TYW1: variants seen among roughly 807,000 people sequenced by gnomAD.
TYW1 encodes the protein S-adenosyl-L-methionine-dependent tRNA 4-demethylwyosine synthase TYW1.
In TYW1, 46 loss-of-function variants were observed where a neutral mutation model predicts 96.2. That is an observed-to-expected ratio of 0.48 (90% confidence interval 0.38 to 0.61). The LOEUF (loss-of-function observed/expected upper bound fraction) is 0.61, where lower values mean the gene tolerates loss of function less well. Among genes scored for constraint, TYW1 ranks in the 20% least tolerant of loss-of-function variants. The pLI is 0.00. For synonymous variants in TYW1, 274 were observed against 323.0 expected (o/e 0.85, Z 1.63); for missense variants, 684 against 909.6 (o/e 0.75, Z 3.19).
chr7:66,996,929 A>C lies in TYW1; in HGVS notation c.-50A>C, dbSNP rs767369649. On this transcript the variant is annotated 5_prime_UTR_variant, in exon 1 of 16. Transcript: ENST00000359626. ...GCGTCTCGCGGTACCAGTGCGAATCATCGGGCTATCCAGGTCCGAGATCCT... is the reference window on the plus strand; with the variant it reads ...GCGTCTCGCGGTACCAGTGCGAATCCTCGGGCTATCCAGGTCCGAGATCCT... 6.2e-7 allele frequency: 1 copy of C among 1,613,700 alleles called. No homozygotes were observed. Among genetic ancestry groups the C allele is most frequent in the Non-Finnish European group, 8.5e-7 (1 of 1,179,848 alleles).
chr7:67,171,673 G>T (rs187643762), intron 13 of TYW1, among the ~76,000 whole-genome samples: 93 of 152,162 alleles, frequency 6.1e-4, no homozygotes, highest in African/African-American at 2.1e-3. Flanking sequence ...CTAGTATATT[G>T]TTATACTAGT....
chr7:67,158,339 C>T (rs1003515216), intron 13 of TYW1, among the ~76,000 whole-genome samples: 16 of 152,040 alleles, frequency 1.1e-4, no homozygotes, highest in African/African-American at 2.2e-4. Flanking sequence ...TGCCCGCCTT[C>T]GGCCTCCCAA....
At position 67,057,248 on chromosome 7, in the gene TYW1, C is replaced by T. The variant is rs562988593; in HGVS notation, c.1155+1361C>T. 2.6e-5 allele frequency among the ~76,000 whole-genome samples: 4 copies of T among 152,070 alleles called. No homozygotes were observed. The South Asian group carries it at 6.2e-4, about 24-fold the overall frequency. On this transcript the variant is annotated intron_variant, in intron 9 of 15. Transcript: ENST00000359626. ...CAGGATGGTCTTGATCTCTTGACCT[C>T]GTGATCTGCCCACCTCGGCCTCCCA...
chr7:67,178,652 C>G (rs1443835115), intron 13 of TYW1, among the ~76,000 whole-genome samples: 1 of 152,036 alleles, frequency 6.6e-6, no homozygotes, highest in African/African-American at 2.4e-5. Flanking sequence ...ATTTTATAAA[C>G]ACAGTGTTGA....
intron 7 of TYW1, among the ~76,000 whole-genome samples, chr7:67,029,760 G>T (rs1794612884): frequency 6.6e-6 from 1 of 152,100 alleles, no homozygotes; most frequent in African/African-American, 2.4e-5. Context: ...AAGTGCAGTG[G>T]TGTGATCACG....
At chr7:67,048,210 A>G (rs1458112029) in intron 7 of TYW1, among the ~76,000 whole-genome samples, 5 of 149,286 alleles carry the variant, frequency 3.3e-5, no homozygotes. Flanking sequence ...TACCCTTTGT[A>G]TACCCCTTTC....
intron 15 of TYW1, among the ~76,000 whole-genome samples, chr7:67,225,944 A>C (rs958656845): frequency 1.3e-5 from 2 of 151,084 alleles, no homozygotes; most frequent in African/African-American, 4.9e-5. Flanking sequence ...ATTGCAGGCA[A>C]TCACAAGTCT....
rs71049495 is a variant in TYW1 at position 67,080,940 on chromosome 7, G to GTTTTTTTT, written c.1275-2470_1275-2463dup. On this transcript the variant is annotated intron_variant, in intron 10 of 15. Coordinates refer to ENST00000359626, the MANE Select transcript of TYW1 (RefSeq NM_018264.4). ...TGTATATTGTTTTTGCTTTCTTACT[G>GTTTTTTTT]TTTTTTTTTTTTTTTTTTTTTTTTT... 2.4e-3 allele frequency among the ~76,000 whole-genome samples: 90 copies of GTTTTTTTT among 37,246 alleles called. 4 individuals are homozygous for GTTTTTTTT. Among genetic ancestry groups the GTTTTTTTT allele is most frequent in the Non-Finnish European group, 3.2e-3 (67 of 20,738 alleles). 24.4% of individuals were successfully genotyped at this position (37,246 alleles called of 152,430 possible). A position where few individuals can be genotyped will look rare whatever the true frequency, so the allele number is the denominator to read the frequency against.
intron 12 of TYW1, among the ~76,000 whole-genome samples, chr7:67,106,454 A>G (rs1413530390): frequency 6.7e-6 from 1 of 149,056 alleles, no homozygotes; most frequent in East Asian, 1.9e-4. Context: ...TCCACGCTGT[A>G]ATGCTGACGA....
intron 10 of TYW1, among the ~76,000 whole-genome samples, chr7:67,073,821 G>A (rs1248941697): frequency 1.5e-5 from 2 of 137,518 alleles, no homozygotes; most frequent in Non-Finnish European, 3.1e-5. Context: ...GGTTGCTCAC[G>A]CCCATAATCC....
intron 12 of TYW1, among the ~76,000 whole-genome samples, chr7:67,109,762 C>G (rs1293774254): frequency 2.6e-5 from 4 of 152,158 alleles, no homozygotes; most frequent in Admixed American, 2.6e-4. Context: ...CACCTGTAAT[C>G]CCAGCTACTC....
At chr7:67,213,672 CTG>C (rs1801116186) in intron 15 of TYW1, among the ~76,000 whole-genome samples, 1 of 152,158 alleles carries the variant, frequency 6.6e-6, no homozygotes, top group Admixed American at 6.5e-5. Flanking sequence ...ATGGTTAAGT[CTG>C]TGATCCATTT....
intron 13 of TYW1, among the ~76,000 whole-genome samples, chr7:67,124,201 A>T (rs899831277): frequency 6.6e-6 from 1 of 152,228 alleles, no homozygotes; most frequent in African/African-American, 2.4e-5. Context: ...ATATGTGTCT[A>T]TATTTCACTT....
chr7:67,149,722 A>ATATCTATCTATC (rs59266321), intron 13 of TYW1, among the ~76,000 whole-genome samples: 8,623 of 140,026 alleles, frequency 0.062, 312 homozygotes, highest in Admixed American at 0.075. Context: ...AGGAAAAAAA[A>ATATCTATCTATC]TATCTATCTA....
chr7:67,025,830 C>T (rs1794434852), intron 7 of TYW1, among the ~76,000 whole-genome samples: 1 of 151,670 alleles, frequency 6.6e-6, no homozygotes, highest in Admixed American at 6.6e-5. Context: ...AAATGAGAAT[C>T]CCCCAAATTA....
At chr7:67,066,116 A>G (rs1029022471) in intron 9 of TYW1, among the ~76,000 whole-genome samples, 94 of 152,150 alleles carry the variant, frequency 6.2e-4, no homozygotes, top group African/African-American at 2.1e-3. Flanking sequence ...TATTAATTCC[A>G]TATTATTTCA....
chr7:67,019,611 G>C (rs1197596770), intron 6 of TYW1, among the ~76,000 whole-genome samples: 1 of 152,278 alleles, frequency 6.6e-6, no homozygotes, highest in African/African-American at 2.4e-5. Context: ...TGGGATTACA[G>C]GGGTGAGCCA....
rs547682739 is a variant in TYW1 at position 67,220,474 on chromosome 7, AT to A, written c.1978-17832del. Among the ~76,000 whole-genome samples, 362 of 151,876 alleles carry A rather than the reference AT, an allele frequency of 2.4e-3. 2 individuals are homozygous for A. Among genetic ancestry groups the A allele is most frequent in the African/African-American group, 8.4e-3 (346 of 41,424 alleles). ...TGCCTTGGCCTCCCAAAGTGCTGGG[AT>A]TACAGGCCTAAGCCACCACGCCTGG... On this transcript the variant is annotated intron_variant, in intron 15 of 15. Coordinates refer to ENST00000359626, the MANE Select transcript of TYW1 (RefSeq NM_018264.4).
chr7:67,075,198 A>G (rs1162287524), intron 10 of TYW1, among the ~76,000 whole-genome samples: 2 of 152,164 alleles, frequency 1.3e-5, no homozygotes, highest in African/African-American at 4.8e-5. Flanking sequence ...GGGTATTTTT[A>G]TGTATGTATA....
Sources: allele counts gnomAD v4.1 joint callset (sites outside exome capture counted in the v4.1 genomes callset), GRCh38; gene constraint gnomAD v4.1.1; transcripts MANE v1.5; gene names NCBI Gene and HGNC (gene_info 2026-07-23, HGNC 2026-07-21).